The following RASAL2 variants were observed in gnomAD, a reference collection of about 807,000 sequenced individuals.
RASAL2 encodes the protein RAS protein activator like 2.
In RASAL2, 58 loss-of-function variants were observed where a neutral mutation model predicts 128.9. That is an observed-to-expected ratio of 0.45 (90% CI 0.36 to 0.56). The LOEUF (loss-of-function observed/expected upper bound fraction) is 0.56, where lower values mean the gene tolerates loss of function less well. Ranked by LOEUF, RASAL2 falls within the 20% of genes least tolerant of loss-of-function variation. The probability of loss-of-function intolerance (pLI) is 0.00; values close to 1 mark genes in which losing one functional copy is unlikely to be tolerated. For missense variants in RASAL2, 1,360 were observed against 1,601.6 expected, an observed-to-expected ratio of 0.85 and a Z score of 2.57; for synonymous variants, 561 against 580.8, an observed-to-expected ratio of 0.97 and a Z score of 0.49.
At chr1:178,320,745 C>A (rs1226137484) in intron 3 of RASAL2, among the ~76,000 whole-genome samples, 1 of 152,240 alleles carries the variant, frequency 6.6e-6, no homozygotes, top group Non-Finnish European at 1.5e-5. Context: ...GCAGAAATCA[C>A]CCGTCTTCTG....
chr1:178,128,149 A>G (rs1000864675), intron 1 of RASAL2, among the ~76,000 whole-genome samples: 2 of 152,098 alleles, frequency 1.3e-5, no homozygotes, highest in Non-Finnish European at 2.9e-5. Context: ...CTACCCGAGT[A>G]TTTATGATCT....
intron 4 of RASAL2, among the ~76,000 whole-genome samples, chr1:178,396,942 A>G (rs1673274996): frequency 6.6e-6 from 1 of 152,164 alleles, no homozygotes; most frequent in Non-Finnish European, 1.5e-5. Context: ...TAAGAAAAAA[A>G]TCAAAACCAC....
chr1:178,456,989 A>G, intron 13 of RASAL2, 90 bp downstream of exon 13: 1 of 1,358,752 alleles, frequency 7.4e-7, no homozygotes, highest in Non-Finnish European at 1.0e-6. Flanking sequence ...TGAATTTACA[A>G]GTTTAAAATC....
rs1459788106 is a variant in RASAL2, at chr1:178,466,069, G to T, written c.3537G>T (p.Arg1179=). The T allele has an allele frequency of 6.3e-7, 1 of 1,581,606 alleles. No homozygotes were observed. Among genetic ancestry groups the T allele is most frequent in the Admixed American group, 1.8e-5 (1 of 56,210 alleles). ...YKARLEDSEE[R]LRRQQEEKDS... is the part of the protein sequence containing the mutation. ...CCCGACTGGAGGACAGCGAGGAGCG[G>T]CTCCGAAGACAGCAGGAAGAAAAAG... is the stretch of plus-strand genomic sequence containing the variant. The change falls in exon 16 of 18, where the codon CGG becomes CGT. Residue 1179 remains arginine, a synonymous_variant. Transcript: ENST00000367649.
At position 178,445,600 on chromosome 1, in the gene RASAL2, C is replaced by G. The variant is rs1310133789; in HGVS notation, c.1565C>G (p.Ala522Gly). 6.2e-7 allele frequency: 1 copy of G among 1,613,810 alleles called. No individual in the cohort carries two copies. The part of the protein sequence containing the change: ...DVLIFRENTI[A>G]TKSIEEYLKL... ...TTGATCTTCAGAGAGAACACTATTGCCACCAAATCCATTGAGGAATACCTC... is the reference window on the plus strand; with the variant it reads ...TTGATCTTCAGAGAGAACACTATTGGCACCAAATCCATTGAGGAATACCTC... Residue 522 changes from alanine to glycine, a missense_variant, in exon 9 of 18, where the codon GCC becomes GGC. Coordinates refer to ENST00000367649, the MANE Select transcript of RASAL2 (RefSeq NM_170692.4).
chr1:178,097,603 A>G (rs1301955903), intron 1 of RASAL2, among the ~76,000 whole-genome samples: 1 of 152,216 alleles, frequency 6.6e-6, no homozygotes, highest in Non-Finnish European at 1.5e-5. Flanking sequence ...CCTAACCTAC[A>G]TAGCCATGTG....
intron 1 of RASAL2, among the ~76,000 whole-genome samples, chr1:178,124,589 T>G (rs2102283662): frequency 6.6e-6 from 1 of 152,322 alleles, no homozygotes; most frequent in South Asian, 2.1e-4. Flanking sequence ...TTGTGGTTAT[T>G]TTACCGTTAG....
intron 17 of RASAL2, chr1:178,470,678 T>C: frequency 7.3e-7 from 1 of 1,365,078 alleles, no homozygotes; most frequent in Non-Finnish European, 9.8e-7. Flanking sequence ...ATATCTCCGC[T>C]GTGTTAAATT....
chr1:178,104,154 A>G (rs1659006190), intron 1 of RASAL2, among the ~76,000 whole-genome samples: 1 of 152,168 alleles, frequency 6.6e-6, no homozygotes. Flanking sequence ...GTCTGGTATT[A>G]AATATGAGAT....
At chr1:178,240,251 C>T (rs1027179385) in intron 1 of RASAL2, among the ~76,000 whole-genome samples, 7 of 152,020 alleles carry the variant, frequency 4.6e-5, no homozygotes, top group East Asian at 3.9e-4. Context: ...TTAGTGATAC[C>T]GCAGATATTG....
chr1:178,148,126 GACTATAAGCATCTACACTGGAGTA>G (rs1660791828), intron 1 of RASAL2, among the ~76,000 whole-genome samples: 1 of 151,114 alleles, frequency 6.6e-6, no homozygotes, highest in African/African-American at 2.4e-5. Flanking sequence ...GTTGTTAGGT[GACTATAAGCATCTACACTGGAGTA>G]ACTGACATTT....
At chr1:178,426,970 TAAG>T (rs1309384432) in intron 5 of RASAL2, among the ~76,000 whole-genome samples, 2 of 151,864 alleles carry the variant, frequency 1.3e-5, no homozygotes, top group Non-Finnish European at 2.9e-5. Context: ...CAAAAAGCTG[TAAG>T]AAGATATAAT....
intron 1 of RASAL2, among the ~76,000 whole-genome samples, chr1:178,240,277 T>G (rs921387782): frequency 6.6e-6 from 1 of 152,092 alleles, no homozygotes; most frequent in Non-Finnish European, 1.5e-5. Context: ...AGTCCCTAGA[T>G]GTAGACAGTA....
At chr1:178,461,827 T>A (rs1678220442) in intron 14 of RASAL2, among the ~76,000 whole-genome samples, 1 of 152,230 alleles carries the variant, frequency 6.6e-6, no homozygotes, top group Non-Finnish European at 1.5e-5. Flanking sequence ...TTTCACACTA[T>A]GAAGCTGAAA....
intron 1 of RASAL2, 35 bp downstream of exon 1, chr1:178,094,729 T>C (rs1558049923): frequency 2.5e-6 from 4 of 1,610,412 alleles, no homozygotes; most frequent in Non-Finnish European, 3.4e-6. Context: ...GGCTGGTGTT[T>C]CCTATTTTTG....
chr1:178,340,141 A>G (rs1024272170), intron 3 of RASAL2, among the ~76,000 whole-genome samples: 3 of 152,138 alleles, frequency 2.0e-5, no homozygotes, highest in Non-Finnish European at 4.4e-5. Flanking sequence ...TGTATAATAC[A>G]TATCTAATGT....
In RASAL2 at chr1:178,448,801, C is replaced by CA. The variant is rs537966911; in HGVS notation, c.1628-2766dup. Among the ~76,000 whole-genome samples the CA allele has an allele frequency of 4.7e-3, 719 of 152,096 alleles. 9 individuals carry two copies. The highest frequency in any genetic ancestry group is 0.017 in the African/African-American group (686 of 41,492). ...CAGGATTTCTGAATGAAATAATTTCCAAAATGAAAAGTGGATACTAGTCTT... is the reference window on the plus strand; with the variant it reads ...CAGGATTTCTGAATGAAATAATTTCCAAAAATGAAAAGTGGATACTAGTCTT... On this transcript the variant is annotated intron_variant, in intron 9 of 17. Coordinates refer to ENST00000367649, the MANE Select transcript of RASAL2 (RefSeq NM_170692.4).
At chr1:178,146,450 T>C (rs903016500) in intron 1 of RASAL2, among the ~76,000 whole-genome samples, 2 of 152,248 alleles carry the variant, frequency 1.3e-5, no homozygotes, top group African/African-American at 4.8e-5. Context: ...TAGAGAAATT[T>C]TGGGATATAT....
chr1:178,400,545 G>A (rs938259473), intron 4 of RASAL2, among the ~76,000 whole-genome samples: 4 of 152,104 alleles, frequency 2.6e-5, no homozygotes, highest in Non-Finnish European at 4.4e-5. Context: ...AGAATAGGTT[G>A]TGTATACTTC....
Sources: gnomAD v4.1 joint callset for allele counts (sites outside exome capture counted in the v4.1 genomes callset) on GRCh38, gnomAD v4.1.1 for gene constraint, MANE v1.5 for transcripts, NCBI Gene and HGNC (gene_info 2026-07-23, HGNC 2026-07-21) for gene names.